LAMA2: variants seen among roughly 807,000 people sequenced by gnomAD.
LAMA2 encodes laminin subunit alpha 2.
Under a neutral mutation model 364.8 loss-of-function variants are expected in LAMA2, and 269 were observed. The observed-to-expected ratio is 0.74, with a 90% CI of 0.67 to 0.82. LAMA2 has a LOEUF of 0.82. Ranked by LOEUF, LAMA2 falls within the 40% of genes least tolerant of loss-of-function variation. The pLI is 0.00. For missense variants in LAMA2, 3,807 were observed against 3,873.2 expected (o/e 0.98, Z 0.45); for synonymous variants, 1,379 against 1,370.6 (o/e 1.01, Z -0.14).
chr6:129,187,492 A>G (rs1278239569), intron 10 of LAMA2, among the ~76,000 whole-genome samples: 1 of 151,794 alleles, frequency 6.6e-6, no homozygotes, highest in Non-Finnish European at 1.5e-5. Context: ...AAGTTACTCA[A>G]GTATAGTTCT....
chr6:129,158,879 C>T (rs796448971), intron 8 of LAMA2: 17 of 1,612,684 alleles, frequency 1.1e-5, no homozygotes, highest in African/African-American at 5.3e-5. Context: ...GGCAAAGCAA[C>T]GTCCATTAGT....
chr6:129,033,378 A>AG (rs1786376656), intron 1 of LAMA2, among the ~76,000 whole-genome samples: 1 of 152,046 alleles, frequency 6.6e-6, no homozygotes, highest in Admixed American at 6.6e-5. Context: ...AGGACCAGGG[A>AG]GGGCCCATGG....
chr6:129,013,335 G>A (rs1784880628), intron 1 of LAMA2, among the ~76,000 whole-genome samples: 1 of 152,148 alleles, frequency 6.6e-6, no homozygotes, highest in South Asian at 2.1e-4. Context: ...TACTCGGGAG[G>A]CTGAGGCAGG....
intron 12 of LAMA2, among the ~76,000 whole-genome samples, chr6:129,243,980 G>C (rs149897769): frequency 1.3e-5 from 2 of 152,112 alleles, no homozygotes; most frequent in Admixed American, 1.3e-4. Flanking sequence ...GTGGAAGAGA[G>C]AAATGAATGC....
chr6:128,945,152 AG>A (rs950486254), intron 1 of LAMA2, among the ~76,000 whole-genome samples: 1 of 152,234 alleles, frequency 6.6e-6, no homozygotes, highest in Non-Finnish European at 1.5e-5. Flanking sequence ...AGAAAATATC[AG>A]TAAGAAGAAG....
chr6:129,288,532 T>G (rs1397244449), intron 19 of LAMA2, among the ~76,000 whole-genome samples: 1 of 152,220 alleles, frequency 6.6e-6, no homozygotes, highest in Non-Finnish European at 1.5e-5. Flanking sequence ...AGGTATAAAA[T>G]TCTGCCAATA....
At chr6:128,890,346 C>T (rs971688334) in intron 1 of LAMA2, among the ~76,000 whole-genome samples, 3 of 152,070 alleles carry the variant, frequency 2.0e-5, no homozygotes, top group Non-Finnish European at 2.9e-5. Flanking sequence ...AATTAAATTA[C>T]GGTCCTGCTC....
intron 56 of LAMA2, chr6:129,490,983 T>G (rs1219940107): frequency 1.3e-5 from 2 of 152,210 alleles, no homozygotes; most frequent in Non-Finnish European, 2.9e-5. Context: ...TTTTTCCAGT[T>G]CTACATGTGG....
chr6:129,266,773 C>CT (rs1787546550), intron 15 of LAMA2, among the ~76,000 whole-genome samples: 1 of 152,078 alleles, frequency 6.6e-6, no homozygotes, highest in African/African-American at 2.4e-5. Context: ...TTTTACAGTA[C>CT]TTTTTCTTCT....
Position 129,481,274 on chromosome 6 carries a change from A to C in LAMA2, c.7584A>C (p.Thr2528=), listed in dbSNP as rs757763024. The change falls in exon 55 of 65, where the codon ACA becomes ACC. Residue 2528 remains threonine (T), a synonymous_variant. Transcript: ENST00000421865. ...TCCTTTACTCACAGAATGTTTACAC[A>C]GTTAGCTTTCCTAAGCCTGGTTTTG... ...TKGCSLENVY[T]VSFPKPGFVE... 9 of 1,613,490 alleles carry C rather than the reference A, an allele frequency of 5.6e-6. No homozygotes were observed. The Admixed American group carries it at 1.0e-4, about 18-fold the overall frequency.
At chr6:128,940,619 T>C (rs1188827955) in intron 1 of LAMA2, among the ~76,000 whole-genome samples, 1 of 151,770 alleles carries the variant, frequency 6.6e-6, no homozygotes, top group African/African-American at 2.4e-5. Flanking sequence ...AAACAAAGAG[T>C]TCCATATCCT....
At chr6:129,497,177 G>A (rs942654036) in intron 58 of LAMA2, among the ~76,000 whole-genome samples, 1 of 152,112 alleles carries the variant, frequency 6.6e-6, no homozygotes, top group Admixed American at 6.6e-5. Flanking sequence ...ACATTGTAAT[G>A]ATGTGGTTAT....
intron 63 of LAMA2, among the ~76,000 whole-genome samples, chr6:129,512,731 T>C (rs1382886760): frequency 1.3e-5 from 2 of 152,208 alleles, no homozygotes; most frequent in Non-Finnish European, 2.9e-5. Context: ...TCGTGTTGAC[T>C]AATAATGAAC....
At chr6:128,987,126 G>GTTTTTT (rs377549921) in intron 1 of LAMA2, among the ~76,000 whole-genome samples, 38 of 121,148 alleles carry the variant, frequency 3.1e-4, no homozygotes, top group South Asian at 1.1e-3. Context: ...AGGATAGTTT[G>GTTTTTT]TTTTTTTTTT....
intron 22 of LAMA2, among the ~76,000 whole-genome samples, chr6:129,304,070 AAGAG>A (rs1164081772): frequency 1.3e-5 from 2 of 152,164 alleles, no homozygotes; most frequent in Non-Finnish European, 2.9e-5. Context: ...ATCAAGAAAA[AAGAG>A]AGAAGAAACA....
intron 41 of LAMA2, among the ~76,000 whole-genome samples, chr6:129,431,441 T>G: frequency 6.8e-6 from 1 of 146,136 alleles, no homozygotes; most frequent in East Asian, 2.0e-4. Flanking sequence ...ATAAAATAGA[T>G]AACACAGGAA....
At chr6:129,422,640 A>G (rs1455057584) in intron 40 of LAMA2, among the ~76,000 whole-genome samples, 2 of 152,184 alleles carry the variant, frequency 1.3e-5, no homozygotes, top group Non-Finnish European at 2.9e-5. Flanking sequence ...ATCACAAACT[A>G]CCAAAACTCA....
intron 12 of LAMA2, among the ~76,000 whole-genome samples, chr6:129,200,407 CAT>C (rs1021489590): frequency 6.1e-5 from 9 of 148,236 alleles, no homozygotes; most frequent in East Asian, 2.0e-4. Context: ...TACATGTACA[CAT>C]ATACATATAC....
intron 17 of LAMA2, among the ~76,000 whole-genome samples, chr6:129,279,094 A>C (rs1788525963): frequency 6.6e-6 from 1 of 152,218 alleles, no homozygotes; most frequent in Non-Finnish European, 1.5e-5. Flanking sequence ...ATATAATAGA[A>C]AACAAATCTA....
Sources: gnomAD v4.1 joint callset for allele counts (sites outside exome capture counted in the v4.1 genomes callset) on GRCh38, gnomAD v4.1.1 for gene constraint, MANE v1.5 for transcripts, NCBI Gene and HGNC (gene_info 2026-07-23, HGNC 2026-07-21) for gene names.